The following KCNIP4 variants were observed in gnomAD, a reference collection of about 807,000 sequenced individuals.
The protein encoded by KCNIP4 is potassium voltage-gated channel interacting protein 4.
KCNIP4 carries 12 observed loss-of-function variants against 34.0 expected under a neutral mutation model. The observed-to-expected ratio is 0.35, with a 90% CI of 0.23 to 0.57. The LOEUF is 0.57. KCNIP4 is among the 20% of genes least tolerant of loss of function. KCNIP4 has a pLI of 0.83. For synonymous variants in KCNIP4, 124 were observed against 102.2 expected (o/e 1.21, Z -1.29); for missense variants, 238 against 311.7 (o/e 0.76, Z 1.78).
At chr4:20,908,098 CTTT>C (rs11364819) in intron 1 of KCNIP4, among the ~76,000 whole-genome samples, 18 of 109,122 alleles carry the variant, frequency 1.6e-4, no homozygotes, top group Non-Finnish European at 1.9e-4. Flanking sequence ...TGTCATCATT[CTTT>C]TTTTTTTTTT....
intron 1 of KCNIP4, among the ~76,000 whole-genome samples, chr4:21,519,307 T>A (rs984024541): frequency 6.6e-6 from 1 of 150,676 alleles, no homozygotes; most frequent in South Asian, 2.1e-4. Flanking sequence ...TAGTCAGGGT[T>A]CTCTAGAGGG....
At position 20,950,231 on chromosome 4, in the gene KCNIP4, A is replaced by T. The variant is rs147894651; in HGVS notation, c.62-67522T>A. Reference sequence around the variant, plus strand: ...TCTACAGCTATTAGCTAGCATGGAAAGGAGAATACATGTCTTCCTTACCAG... The same window carrying T: ...TCTACAGCTATTAGCTAGCATGGAATGGAGAATACATGTCTTCCTTACCAG... On this transcript the variant is annotated intron_variant, in intron 1 of 8. Coordinates refer to ENST00000382152, the MANE Select transcript of KCNIP4 (RefSeq NM_025221.6). Among the ~76,000 whole-genome samples, 182 of 151,988 alleles carry T rather than the reference A, an allele frequency of 1.2e-3. 1 individual carries two copies. In the East Asian group the frequency reaches 0.022, roughly 18 times the overall value.
At chr4:21,905,732 G>A (rs561786588) in intron 1 of KCNIP4, among the ~76,000 whole-genome samples, 36 of 152,270 alleles carry the variant, frequency 2.4e-4, no homozygotes, top group African/African-American at 8.4e-4. Flanking sequence ...TTCTGTGTAC[G>A]CTTCAAAAGT....
chr4:21,439,203 G>C (rs886297590), intron 1 of KCNIP4, among the ~76,000 whole-genome samples: 1 of 151,402 alleles, frequency 6.6e-6, no homozygotes, highest in South Asian at 2.1e-4. Context: ...GCCAACAAGA[G>C]GGAGGTCCTT....
chr4:20,865,348 A>G (rs1180357035), intron 2 of KCNIP4, among the ~76,000 whole-genome samples: 1 of 152,090 alleles, frequency 6.6e-6, no homozygotes, highest in Non-Finnish European at 1.5e-5. Flanking sequence ...CTTATTCTTT[A>G]AGAAAATGTT....
At chr4:20,896,825 T>C (rs1726585006) in intron 1 of KCNIP4, among the ~76,000 whole-genome samples, 1 of 152,232 alleles carries the variant, frequency 6.6e-6, no homozygotes, top group African/African-American at 2.4e-5. Flanking sequence ...AATTAAGCCA[T>C]GTCCATATAT....
At chr4:20,999,414 GTTTTTTTTTTTTGTTTGTTTTTTGT>G (rs1213140019) in intron 1 of KCNIP4, among the ~76,000 whole-genome samples, 4 of 95,344 alleles carry the variant, frequency 4.2e-5, no homozygotes, top group Admixed American at 2.2e-4. Context: ...TTGTGGTGGT[GTTTTTTTTTTTTGTTTGTTTTTTGT>G]TTTTTTTTTT....
At chr4:21,678,517 G>A (rs1750092671) in intron 1 of KCNIP4, among the ~76,000 whole-genome samples, 1 of 152,040 alleles carries the variant, frequency 6.6e-6, no homozygotes, top group African/African-American at 2.4e-5. Context: ...TCCTCACCAT[G>A]GCCTAAAAGG....
intron 1 of KCNIP4, among the ~76,000 whole-genome samples, chr4:21,589,996 C>A (rs1214696063): frequency 6.6e-6 from 1 of 151,848 alleles, no homozygotes; most frequent in Non-Finnish European, 1.5e-5. Flanking sequence ...TTGGAAGGAG[C>A]AACTAGAATT....
intron 1 of KCNIP4, among the ~76,000 whole-genome samples, chr4:21,671,325 A>G (rs1447873870): frequency 6.6e-6 from 1 of 152,198 alleles, no homozygotes; most frequent in Non-Finnish European, 1.5e-5. Flanking sequence ...GATCTTGAAG[A>G]TTCAGAAGTG....
At chr4:21,724,570 C>CTT (rs397790836) in intron 1 of KCNIP4, among the ~76,000 whole-genome samples, 225 of 143,760 alleles carry the variant, frequency 1.6e-3, no homozygotes, top group Admixed American at 8.7e-3. Flanking sequence ...CAGTGAGGGC[C>CTT]TTTTTTTTTT....
intron 1 of KCNIP4, among the ~76,000 whole-genome samples, chr4:21,074,936 A>T (rs1745336943): frequency 6.6e-6 from 1 of 152,174 alleles, no homozygotes; most frequent in Non-Finnish European, 1.5e-5. Flanking sequence ...GTTTCCATGT[A>T]GTTGAGCAGT....
intron 1 of KCNIP4, among the ~76,000 whole-genome samples, chr4:21,183,347 G>A (rs1754982515): frequency 6.6e-6 from 1 of 151,342 alleles, no homozygotes; most frequent in South Asian, 2.1e-4. Context: ...TTTTTCCTTT[G>A]GATATATTTA....
At chr4:21,832,977 A>C (rs1042733173) in intron 1 of KCNIP4, among the ~76,000 whole-genome samples, 1 of 147,596 alleles carries the variant, frequency 6.8e-6, no homozygotes, top group Non-Finnish European at 1.5e-5. Flanking sequence ...CATTTTCTTA[A>C]TCCACTCTAT....
chr4:21,905,524 G>T (rs951657421), intron 1 of KCNIP4, among the ~76,000 whole-genome samples: 2 of 152,068 alleles, frequency 1.3e-5, no homozygotes, highest in Non-Finnish European at 2.9e-5. Context: ...ATACTATGCA[G>T]CCATAAAAAA....
intron 1 of KCNIP4, among the ~76,000 whole-genome samples, chr4:21,322,177 G>A (rs1578075994): frequency 6.6e-6 from 1 of 151,448 alleles, no homozygotes; most frequent in African/African-American, 2.4e-5. Context: ...AGGAAGGAAG[G>A]AAGGAAGGAA....
chr4:21,351,332 G>T (rs994492050), intron 1 of KCNIP4, among the ~76,000 whole-genome samples: 1 of 152,056 alleles, frequency 6.6e-6, no homozygotes, highest in Non-Finnish European at 1.5e-5. Flanking sequence ...ATTTTCCCAT[G>T]CTGTTCTATT....
intron 1 of KCNIP4, among the ~76,000 whole-genome samples, chr4:21,029,024 C>A (rs978903896): frequency 2.6e-5 from 4 of 152,130 alleles, no homozygotes; most frequent in African/African-American, 7.2e-5. Flanking sequence ...AGTCTAAGAG[C>A]AATATAAATT....
chr4:21,392,114 C>T (rs1390258), intron 1 of KCNIP4, among the ~76,000 whole-genome samples: 133,049 of 152,178 alleles, frequency 0.87, 58,290 homozygotes, highest in Non-Finnish European at 0.9. Flanking sequence ...ATAGACTCTT[C>T]TGCTAATGAC....
Sources: allele counts gnomAD v4.1 joint callset (sites outside exome capture counted in the v4.1 genomes callset), GRCh38; gene constraint gnomAD v4.1.1; transcripts MANE v1.5; gene names NCBI Gene and HGNC (gene_info 2026-07-23, HGNC 2026-07-21).